EHBP1: variants seen among roughly 807,000 people sequenced by gnomAD.
EHBP1 encodes EH domain-binding protein 1.
EHBP1 carries 55 observed loss-of-function variants against 144.0 expected under a neutral mutation model. The ratio of observed to expected loss-of-function variants is 0.38; its 90% CI spans 0.31 to 0.48. The LOEUF is 0.48. Among genes scored for constraint, EHBP1 ranks in the 20% least tolerant of loss-of-function variants. EHBP1 has a pLI of 0.98. For synonymous variants in EHBP1, 469 were observed against 472.7 expected (o/e 0.99, Z 0.10); for missense variants, 1,200 against 1,364.2 (o/e 0.88, Z 1.90).
At chr2:62,808,740 T>C (rs192040602) in intron 5 of EHBP1, among the ~76,000 whole-genome samples, 43 of 152,246 alleles carry the variant, frequency 2.8e-4, no homozygotes, top group Non-Finnish European at 6.0e-4. Context: ...AAATAGGCCT[T>C]GAGTAATGTG....
intron 10 of EHBP1, among the ~76,000 whole-genome samples, chr2:62,924,788 A>G (rs991732281): frequency 1.3e-5 from 2 of 152,232 alleles, no homozygotes; most frequent in Non-Finnish European, 2.9e-5. Context: ...AAGAATTAAT[A>G]CCAATTCCTC....
chr2:62,863,705 G>A (rs1017151626), intron 8 of EHBP1, among the ~76,000 whole-genome samples: 4 of 151,928 alleles, frequency 2.6e-5, no homozygotes, highest in African/African-American at 9.7e-5. Context: ...GTATATATAC[G>A]ACACAGGACA....
At chr2:62,872,371 A>G (rs759872090) in intron 9 of EHBP1, among the ~76,000 whole-genome samples, 3 of 152,120 alleles carry the variant, frequency 2.0e-5, no homozygotes, top group African/African-American at 4.8e-5. Context: ...AGTGATGCAT[A>G]AAGTTCTGAA....
chr2:62,870,210 T>G (rs759778368), intron 9 of EHBP1, among the ~76,000 whole-genome samples: 10 of 152,176 alleles, frequency 6.6e-5, no homozygotes, highest in Non-Finnish European at 1.2e-4. Context: ...ATCTCTCTAT[T>G]GTGCATTGGT....
At chr2:62,969,104 G>T (rs991794646) in intron 14 of EHBP1, among the ~76,000 whole-genome samples, 12 of 151,938 alleles carry the variant, frequency 7.9e-5, no homozygotes, top group Admixed American at 3.3e-4. Context: ...TTTTTTGGAG[G>T]CTCAAACTAT....
intron 5 of EHBP1, among the ~76,000 whole-genome samples, chr2:62,822,542 T>C (rs1317007609): frequency 3.9e-5 from 6 of 152,206 alleles, no homozygotes; most frequent in African/African-American, 1.4e-4. Context: ...TATTTTCATG[T>C]GTTATTGCAA....
At chr2:62,901,189 T>A (rs2053382428) in intron 10 of EHBP1, among the ~76,000 whole-genome samples, 1 of 152,214 alleles carries the variant, frequency 6.6e-6, no homozygotes, top group African/African-American at 2.4e-5. Flanking sequence ...CGTATTTTAG[T>A]CATGATGAGT....
intron 2 of EHBP1, among the ~76,000 whole-genome samples, chr2:62,724,150 C>T (rs1288462660): frequency 6.6e-6 from 1 of 152,206 alleles, no homozygotes; most frequent in Non-Finnish European, 1.5e-5. Context: ...TCCCATATTT[C>T]TCAGAGGTTT....
At chr2:62,812,172 C>T (rs1004274131) in intron 5 of EHBP1, among the ~76,000 whole-genome samples, 1 of 152,176 alleles carries the variant, frequency 6.6e-6, no homozygotes, top group African/African-American at 2.4e-5. Flanking sequence ...CAAGAAACCC[C>T]TCACCAGATG....
intron 1 of EHBP1, among the ~76,000 whole-genome samples, chr2:62,693,290 C>A (rs1194415956): frequency 6.6e-6 from 1 of 152,070 alleles, no homozygotes; most frequent in East Asian, 1.9e-4. Flanking sequence ...GCTTCCAAAT[C>A]TTGGCATTGT....
At chr2:63,038,533 G>A (rs1163516750) in intron 20 of EHBP1, among the ~76,000 whole-genome samples, 1 of 152,110 alleles carries the variant, frequency 6.6e-6, no homozygotes, top group African/African-American at 2.4e-5. Flanking sequence ...ATATACCTAT[G>A]TAACATTCAG....
chr2:62,981,726 G>C (rs948040384), intron 15 of EHBP1, among the ~76,000 whole-genome samples: 2 of 152,210 alleles, frequency 1.3e-5, no homozygotes, highest in Non-Finnish European at 1.5e-5. Flanking sequence ...AACAGTCAAA[G>C]TAAATAAAGT....
chr2:62,826,677 C>T (rs1266407643), intron 6 of EHBP1: 1 of 152,892 alleles, frequency 6.5e-6, no homozygotes, highest in Non-Finnish European at 1.5e-5. Context: ...GAACTCTTGC[C>T]AAATCATATT....
intron 10 of EHBP1, among the ~76,000 whole-genome samples, chr2:62,904,561 T>G (rs1249803947): frequency 1.3e-5 from 2 of 152,094 alleles, no homozygotes; most frequent in Non-Finnish European, 2.9e-5. Flanking sequence ...TGCCCGATGG[T>G]GGCAGAACCC....
At chr2:62,713,556 C>G (rs1224992162) in intron 2 of EHBP1, among the ~76,000 whole-genome samples, 1 of 152,018 alleles carries the variant, frequency 6.6e-6, no homozygotes, top group African/African-American at 2.4e-5. Context: ...GTGCTAAAAT[C>G]TTTAATGTAT....
At chr2:62,865,225 G>A (rs1456501767) in intron 9 of EHBP1, among the ~76,000 whole-genome samples, 1 of 152,070 alleles carries the variant, frequency 6.6e-6, no homozygotes, top group Admixed American at 6.5e-5. Flanking sequence ...AATTCCAATT[G>A]TGTCTTCTCA....
Position 62,893,736 on chromosome 2 carries a change from T to G in EHBP1, c.1185+19204T>G, listed in dbSNP as rs148403725. On this transcript the variant is annotated intron_variant, in intron 10 of 22. Coordinates refer to ENST00000431489, the MANE Select transcript of EHBP1 (RefSeq NM_001142616.3). ...GGTGGGTATAGGTGGCGAGGTAGTA[T>G]CCTCTAAACACTTAAGATGTATTAA... 1.5e-3 allele frequency among the ~76,000 whole-genome samples: 224 copies of G among 152,178 alleles called. 1 individual carries two copies. The highest frequency in any genetic ancestry group is 5.2e-3 in the African/African-American group (217 of 41,538).
At chr2:62,935,072 G>C (rs2153051545) in intron 10 of EHBP1, among the ~76,000 whole-genome samples, 1 of 152,236 alleles carries the variant, frequency 6.6e-6, no homozygotes. Context: ...GCTCATGCCT[G>C]TAATCCCAGC....
intron 2 of EHBP1, among the ~76,000 whole-genome samples, chr2:62,738,534 G>A (rs1019749595): frequency 5.9e-5 from 9 of 152,054 alleles, no homozygotes; most frequent in East Asian, 1.9e-4. Flanking sequence ...CTCACCTGGA[G>A]GCCACAAGTG....
Sources: gnomAD v4.1 joint callset for allele counts (sites outside exome capture counted in the v4.1 genomes callset) on GRCh38, gnomAD v4.1.1 for gene constraint, MANE v1.5 for transcripts, NCBI Gene and HGNC (gene_info 2026-07-23, HGNC 2026-07-21) for gene names.